The following MED12L variants were observed in gnomAD, a reference collection of about 807,000 sequenced individuals.
The protein encoded by MED12L is mediator of RNA polymerase II transcription subunit 12-like protein.
In MED12L, 60 loss-of-function variants were observed where a neutral mutation model predicts 281.3. The ratio of observed to expected loss-of-function variants is 0.21; its 90% CI spans 0.17 to 0.26. The LOEUF (loss-of-function observed/expected upper bound fraction) is 0.26, where lower values mean the gene tolerates loss of function less well. Ranked by LOEUF, MED12L falls within the 10% of genes least tolerant of loss-of-function variation. The probability of loss-of-function intolerance (pLI) is 1.00; values close to 1 mark genes in which losing one functional copy is unlikely to be tolerated. For synonymous variants in MED12L, 974 were observed against 987.2 expected (o/e 0.99, Z 0.25); for missense variants, 2,146 against 2,680.9 (o/e 0.80, Z 4.41).
chr3:151,226,723 C>A (rs958356919), intron 16 of MED12L, among the ~76,000 whole-genome samples: 1 of 152,148 alleles, frequency 6.6e-6, no homozygotes, highest in African/African-American at 2.4e-5. Context: ...CCTTCAGTTT[C>A]TTCAGTTATC....
rs563307914 is a variant in MED12L, at chr3:151,342,874, T to G, written c.2251-7185T>G. Among the ~76,000 whole-genome samples the G allele has an allele frequency of 1.1e-4, 17 of 152,316 alleles. No homozygotes were observed. The East Asian group carries it at 3.3e-3, about 29-fold the overall frequency. On this transcript the variant is annotated intron_variant, in intron 16 of 44. Transcript: ENST00000687756. Reference sequence around the variant, plus strand: ...CAATATTTAATTTCTTACACTGTCATGGATTAACTCACTTTATTAATAATC... The same window carrying G: ...CAATATTTAATTTCTTACACTGTCAGGGATTAACTCACTTTATTAATAATC...
At chr3:151,261,973 C>T (rs1038929017) in intron 16 of MED12L, among the ~76,000 whole-genome samples, 3 of 152,198 alleles carry the variant, frequency 2.0e-5, no homozygotes, top group East Asian at 3.9e-4. Context: ...GTGATTGACC[C>T]GCCTCGGCCT....
chr3:151,299,469 C>G (rs1218375027), intron 16 of MED12L, among the ~76,000 whole-genome samples: 1 of 137,238 alleles, frequency 7.3e-6, no homozygotes. Flanking sequence ...TCTCTCTCTC[C>G]CTCTCTTCCT....
chr3:151,215,034 CAG>C (rs1727920044), intron 16 of MED12L, among the ~76,000 whole-genome samples: 1 of 151,842 alleles, frequency 6.6e-6, no homozygotes, highest in South Asian at 2.1e-4. Flanking sequence ...GACATGAAGA[CAG>C]TGTCTAACAA....
In MED12L at chr3:151,159,985, GCCCCCAGCCCTGGCC is replaced by G; in HGVS notation, c.997_1011del (p.Ser333_Pro337del). The G allele has an allele frequency of 6.2e-7, 1 of 1,614,154 alleles. No individual in the cohort carries two copies. Among genetic ancestry groups the G allele is most frequent in the South Asian group, 1.1e-5 (1 of 91,070 alleles). On this transcript the variant is annotated inframe_deletion, in exon 8 of 45. Transcript: ENST00000687756. ...AGGACCAAACAACTCGAGTATCGGG[GCCCCCAGCCCTGGCC>G]CCCCCGGCCCTGGCATGAGCCCCGT...
At chr3:151,246,935 C>G (rs1217858335) in intron 16 of MED12L, among the ~76,000 whole-genome samples, 1 of 152,078 alleles carries the variant, frequency 6.6e-6, no homozygotes, top group African/African-American at 2.4e-5. Flanking sequence ...AAAAAACAAA[C>G]AACCCCATCA....
At chr3:151,234,256 T>C (rs993449339) in intron 16 of MED12L, among the ~76,000 whole-genome samples, 8 of 152,268 alleles carry the variant, frequency 5.3e-5, no homozygotes, top group Non-Finnish European at 7.3e-5. Flanking sequence ...TGAGACTGAA[T>C]TAACTACAGT....
chr3:151,204,358 A>T (rs1247370201), intron 16 of MED12L, among the ~76,000 whole-genome samples: 2 of 152,200 alleles, frequency 1.3e-5, no homozygotes, highest in East Asian at 3.8e-4. Context: ...GGGAAAGTCT[A>T]AGGAGACTTT....
chr3:151,193,461 A>G, intron 15 of MED12L, 29 bp from the exon 16 acceptor site: 2 of 1,591,906 alleles, frequency 1.3e-6, no homozygotes, highest in Non-Finnish European at 1.7e-6. Flanking sequence ...TTCATTTACA[A>G]TCTCCAACAT....
rs1477300468 is a variant in MED12L at position 151,354,847 on chromosome 3, A to T, written c.2399-274A>T. ...ATACTATATGATTTCCTTTATATAT[A>T]AAGTTCCAGTGTAGGCAATAGCAAT... On this transcript the variant is annotated intron_variant, in intron 17 of 44. Coordinates refer to ENST00000687756, the MANE Select transcript of MED12L (RefSeq NM_001393769.1). Among the ~76,000 whole-genome samples, 3 of 152,226 alleles carry T rather than the reference A, an allele frequency of 2.0e-5. No individual in the cohort carries two copies. In the East Asian group the frequency reaches 5.8e-4, roughly 29 times the overall value.
chr3:151,268,473 A>G (rs1482599425), intron 16 of MED12L, among the ~76,000 whole-genome samples: 1 of 152,216 alleles, frequency 6.6e-6, no homozygotes, highest in African/African-American at 2.4e-5. Context: ...TGCCCTAGTC[A>G]AGGCATGTCC....
intron 2 of MED12L, among the ~76,000 whole-genome samples, chr3:151,106,295 T>G (rs1279817732): frequency 9.4e-6 from 1 of 105,916 alleles, no homozygotes; most frequent in Non-Finnish European, 1.8e-5. Context: ...TTCCTTTTCC[T>G]TTTCCTTTTC....
intron 16 of MED12L, among the ~76,000 whole-genome samples, chr3:151,348,529 A>T (rs1439249423): frequency 2.0e-5 from 3 of 151,680 alleles, no homozygotes; most frequent in Non-Finnish European, 4.4e-5. Flanking sequence ...GGTACTCAGG[A>T]TATTAAATAA....
chr3:151,166,075 A>G (rs1560112053), intron 11 of MED12L, 93 bp downstream of exon 11: 3 of 1,081,282 alleles, frequency 2.8e-6, no homozygotes, highest in South Asian at 3.2e-5. Flanking sequence ...AACCTTTTCT[A>G]TGAAGTGTAG....
chr3:151,153,430 G>A lies in MED12L; in HGVS notation c.557-2731G>A, dbSNP rs146688637. On this transcript the variant is annotated intron_variant, in intron 5 of 44. Transcript: ENST00000687756. Reference sequence around the variant, plus strand: ...AACTACACATGTATTCATATCATCTGCATTGCCTGAATTTAGAACTGCTCT... The same window carrying A: ...AACTACACATGTATTCATATCATCTACATTGCCTGAATTTAGAACTGCTCT... Among the ~76,000 whole-genome samples, 4 of 152,186 alleles carry A rather than the reference G, an allele frequency of 2.6e-5. No individual in the cohort carries two copies. In the East Asian group the frequency reaches 7.7e-4, roughly 29 times the overall value.
At position 151,192,651 on chromosome 3, in the gene MED12L, T is replaced by A; in HGVS notation, c.2070T>A (p.Phe690Leu). Residue 690 changes from phenylalanine (F) to leucine (L), a missense_variant, in exon 15 of 45, where the codon TTT becomes TTA. Transcript: ENST00000687756. The part of the protein sequence containing the change: ...SDFKTDFGSE[F>L]PIFSPMPGES... ...TTAAAACTGACTTTGGTTCGGAATT[T>A]CCAGTAGGTTCAATCTTTGATTCTT... The A allele has an allele frequency of 6.6e-7, 1 of 1,515,222 alleles. No individual in the cohort carries two copies. Among genetic ancestry groups the A allele is most frequent in the Non-Finnish European group, 8.9e-7 (1 of 1,127,466 alleles). The allele number at this position is 1,515,222 out of a possible 1,614,324, so 93.9% of individuals were successfully genotyped here.
chr3:151,188,791 C>T (rs1412186581), intron 13 of MED12L, among the ~76,000 whole-genome samples: 1 of 152,120 alleles, frequency 6.6e-6, no homozygotes, highest in Non-Finnish European at 1.5e-5. Context: ...TAGTAGTTTT[C>T]TGTATGTCTG....
At chr3:151,417,479 C>CTG in intron 43 of MED12L, among the ~76,000 whole-genome samples, 1 of 108,718 alleles carries the variant, frequency 9.2e-6, no homozygotes, top group African/African-American at 3.3e-5. Context: ...CCCCAGCTCC[C>CTG]CCCCCGCCTT....
chr3:151,413,959 C>T (rs1191508220), intron 42 of MED12L, among the ~76,000 whole-genome samples: 1 of 152,004 alleles, frequency 6.6e-6, no homozygotes, highest in African/African-American at 2.4e-5. Flanking sequence ...AAGTGATTCT[C>T]CTGCCTCAGC....
Sources: gnomAD v4.1 joint callset for allele counts (sites outside exome capture counted in the v4.1 genomes callset) on GRCh38, gnomAD v4.1.1 for gene constraint, MANE v1.5 for transcripts, NCBI Gene and HGNC (gene_info 2026-07-23, HGNC 2026-07-21) for gene names.